The following SMYD1 variants were observed in gnomAD, a reference collection of about 807,000 sequenced individuals.
SMYD1 encodes SET and MYND domain containing 1, also known as histone-lysine N-methyltransferase SMYD1.
A neutral mutation model predicts 54.0 loss-of-function variants in SMYD1; 49 were observed. The ratio of observed to expected loss-of-function variants is 0.91; its 90% CI spans 0.72 to 1.15. The LOEUF (loss-of-function observed/expected upper bound fraction) is 1.15. Among genes scored for constraint, SMYD1 ranks in the 50% most tolerant of loss-of-function variants. The probability of loss-of-function intolerance (pLI) is 0.00; values close to 1 mark genes in which losing one functional copy is unlikely to be tolerated. For synonymous variants in SMYD1, 269 were observed against 234.2 expected (o/e 1.15, Z -1.36); for missense variants, 653 against 639.6 (o/e 1.02, Z -0.23).
rs750472028 is a variant in SMYD1 at position 88,088,107 on chromosome 2, C to T, written c.528+32C>T. ...CCCCTGCGTCCCTTCTCCATCCTCC[C>T]TGTCTGTCTCCTCTTTCCTTCCCTC... On this transcript the variant is annotated intron_variant, in intron 3 of 9. Transcript: ENST00000419482. 2.5e-6 allele frequency: 4 copies of T among 1,571,736 alleles called. No homozygotes were observed. The African/African-American group carries it at 5.4e-5, about 21-fold the overall frequency.
At chr2:88,070,090 A>G (rs188388249) in intron 1 of SMYD1, among the ~76,000 whole-genome samples, 1 of 148,822 alleles carries the variant, frequency 6.7e-6, no homozygotes, top group East Asian at 2.0e-4. Context: ...AATGACGTTT[A>G]AAATGATTGA....
chr2:88,088,080 G>T lies in SMYD1; in HGVS notation c.528+5G>T, dbSNP rs770947757. The T allele has an allele frequency of 3.2e-5, 52 of 1,608,396 alleles. No homozygotes were observed. The South Asian group carries it at 4.7e-4, about 14-fold the overall frequency. On this transcript the variant is annotated splice_donor_5th_base_variant and intron_variant, in intron 3 of 9. Coordinates refer to ENST00000419482, the MANE Select transcript of SMYD1 (RefSeq NM_198274.4). ...ATCTCGCACATCTTCGGAGTGGTAG[G>T]CCCCCTGCGTCCCTTCTCCATCCTC...
chr2:88,105,566 T>C (rs1429752048), intron 7 of SMYD1, among the ~76,000 whole-genome samples: 1 of 152,218 alleles, frequency 6.6e-6, no homozygotes, highest in Non-Finnish European at 1.5e-5. Flanking sequence ...ACTATGTAAA[T>C]GCTGTGTAAA....
At chr2:88,110,214 T>TGTGC (rs1448770911) in intron 9 of SMYD1, 140 bp from the exon 10 acceptor site, 104 of 795,162 alleles carry the variant, frequency 1.3e-4, no homozygotes, top group Non-Finnish European at 2.0e-4. Context: ...TGTGTGTGTG[T>TGTGC]GTGTGTGTGT....
intron 4 of SMYD1, among the ~76,000 whole-genome samples, chr2:88,093,121 G>A (rs555881313): frequency 6.6e-6 from 1 of 152,156 alleles, no homozygotes; most frequent in Admixed American, 6.5e-5. Context: ...CTCTTTCCAA[G>A]ACAGACATCC....
chr2:88,070,121 G>GT (rs34016460), intron 1 of SMYD1, among the ~76,000 whole-genome samples: 2 of 151,820 alleles, frequency 1.3e-5, no homozygotes, highest in African/African-American at 2.4e-5. Context: ...AAAAGAGATA[G>GT]TTTTTTTTTC....
Position 88,111,779 on chromosome 2 carries a change from T to C in SMYD1, c.*1267T>C. 1 of 355,726 alleles carries C rather than the reference T, an allele frequency of 2.8e-6. No individual in the cohort carries two copies. Among genetic ancestry groups the C allele is most frequent in the Non-Finnish European group, 5.2e-6 (1 of 191,508 alleles). 22.0% of individuals were successfully genotyped at this position (355,726 alleles called of 1,614,324 possible). ...ATTAGCCTGTTATCCTGTTATCTACTGAGACCCCAAATTTCTCACCAATGT... is the reference window on the plus strand; with the variant it reads ...ATTAGCCTGTTATCCTGTTATCTACCGAGACCCCAAATTTCTCACCAATGT... On this transcript the variant is annotated 3_prime_UTR_variant, in exon 10 of 10. Transcript: ENST00000419482.
chr2:88,094,279 T>A (rs1350140039), intron 5 of SMYD1, among the ~76,000 whole-genome samples: 1 of 152,242 alleles, frequency 6.6e-6, no homozygotes, highest in East Asian at 1.9e-4. Flanking sequence ...GTTCCACATC[T>A]GTAGAGAAAG....
intron 6 of SMYD1, among the ~76,000 whole-genome samples, chr2:88,102,569 T>C (rs1482845359): frequency 6.6e-6 from 1 of 152,218 alleles, no homozygotes; most frequent in Non-Finnish European, 1.5e-5. Flanking sequence ...GAAGACAAAT[T>C]GGAGTATGAT....
intron 2 of SMYD1, 56 bp downstream of exon 2, chr2:88,084,548 G>T: frequency 6.7e-7 from 1 of 1,487,476 alleles, no homozygotes; most frequent in Non-Finnish European, 9.2e-7. Flanking sequence ...GGCTGGAATG[G>T]TGGCAGTAAC....
intron 6 of SMYD1, among the ~76,000 whole-genome samples, chr2:88,098,699 C>T (rs1674656566): frequency 6.6e-6 from 1 of 152,200 alleles, no homozygotes; most frequent in South Asian, 2.1e-4. Context: ...TGACTCTAAA[C>T]ATCTGAGCTT....
chr2:88,103,643 A>G (rs1450268108), intron 7 of SMYD1, among the ~76,000 whole-genome samples: 1 of 150,138 alleles, frequency 6.7e-6, no homozygotes, highest in African/African-American at 2.5e-5. Context: ...GCCCCCACTC[A>G]GGACAATTTC....
At chr2:88,086,412 C>T (rs1231983216) in intron 2 of SMYD1, among the ~76,000 whole-genome samples, 1 of 152,194 alleles carries the variant, frequency 6.6e-6, no homozygotes, top group Admixed American at 6.5e-5. Context: ...TAAAGTGTCC[C>T]TGGGTCATAA....
intron 1 of SMYD1, 140 bp downstream of exon 1, chr2:88,068,141 TAATTTTTCTGGCACA>T: frequency 8.2e-7 from 1 of 1,220,666 alleles, no homozygotes; most frequent in Non-Finnish European, 1.1e-6. Context: ...TTCTGAGAGC[TAATTTTTCTGGCACA>T]AATTTTTCTG....
At chr2:88,104,027 C>A (rs568435041) in intron 7 of SMYD1, among the ~76,000 whole-genome samples, 50 of 150,092 alleles carry the variant, frequency 3.3e-4, no homozygotes, top group African/African-American at 8.8e-4. Flanking sequence ...AGTGCAGTGG[C>A]ACGATTTCGG....
chr2:88,095,419 G>A (rs2104001233), intron 5 of SMYD1, among the ~76,000 whole-genome samples: 1 of 152,332 alleles, frequency 6.6e-6, no homozygotes, highest in East Asian at 1.9e-4. Context: ...CAGATGCCTG[G>A]ATATGAACGT....
intron 6 of SMYD1, among the ~76,000 whole-genome samples, chr2:88,099,141 C>T (rs761680809): frequency 3.9e-5 from 6 of 152,012 alleles, no homozygotes; most frequent in Non-Finnish European, 5.9e-5. Flanking sequence ...GGCTGGAGTG[C>T]AGTGGTGTGA....
intron 7 of SMYD1, among the ~76,000 whole-genome samples, chr2:88,103,785 C>A (rs1237989510): frequency 6.6e-6 from 1 of 152,042 alleles, no homozygotes; most frequent in African/African-American, 2.4e-5. Flanking sequence ...TTAACCTGGG[C>A]AGCTTATTGG....
In SMYD1 at chr2:88,087,982, G is replaced by A; in HGVS notation, c.435G>A (p.Lys145=). 2 of 1,614,204 alleles carry A rather than the reference G, an allele frequency of 1.2e-6. No homozygotes were observed. Among genetic ancestry groups the A allele is most frequent in the African/African-American group, 1.3e-5 (1 of 75,068 alleles). ...AGCACTTTGGGGAGGAGGAGCAGAAGGACCTGCGGGTGGACGTGGACACAT... is the reference window on the plus strand; with the variant it reads ...AGCACTTTGGGGAGGAGGAGCAGAAAGACCTGCGGGTGGACGTGGACACAT... ...HVEHFGEEEQ[K]DLRVDVDTFL... is the part of the protein sequence containing the mutation. Residue 145 remains lysine, a synonymous_variant, in exon 3 of 10, where the codon AAG becomes AAA. Transcript: ENST00000419482.
Sources: gnomAD v4.1 joint callset for allele counts (sites outside exome capture counted in the v4.1 genomes callset) on GRCh38, gnomAD v4.1.1 for gene constraint, MANE v1.5 for transcripts, NCBI Gene and HGNC (gene_info 2026-07-23, HGNC 2026-07-21) for gene names.